The following LRRC8E variants were observed in gnomAD, a reference collection of about 807,000 sequenced individuals.
LRRC8E encodes the protein leucine rich repeat containing 8 VRAC subunit E, also known as volume-regulated anion channel subunit LRRC8E.
LRRC8E carries 6 observed loss-of-function variants against 6.1 expected under a neutral mutation model. That is an observed-to-expected ratio of 0.98 (90% CI 0.54 to 1.93). The LOEUF is 1.93. Ranked by LOEUF, LRRC8E falls within the 30% of genes most tolerant of loss-of-function variation. The pLI is 0.01. For missense variants in LRRC8E, 1,028 were observed against 1,031.4 expected (o/e 1.00, Z 0.04); for synonymous variants, 485 against 472.8 (o/e 1.03, Z -0.33).
At chr19:7,898,509 A>G (rs572059154) in intron 2 of LRRC8E, 152 bp from the exon 3 acceptor site, 5 of 676,200 alleles carry the variant, frequency 7.4e-6, no homozygotes, top group Admixed American at 5.0e-5. Context: ...ACAGGTGCCC[A>G]CCACCATGCC....
At chr19:7,894,172 G>A (rs1330584359) in intron 1 of LRRC8E, among the ~76,000 whole-genome samples, 3 of 152,110 alleles carry the variant, frequency 2.0e-5, no homozygotes, top group African/African-American at 7.2e-5. Context: ...CTCCCTGATG[G>A]GCAGATGCCC....
At chr19:7,890,879 A>G (rs1400348374) in intron 1 of LRRC8E, among the ~76,000 whole-genome samples, 1 of 152,168 alleles carries the variant, frequency 6.6e-6, no homozygotes, top group African/African-American at 2.4e-5. Flanking sequence ...TATTTTTAGT[A>G]GACATGGGGT....
At chr19:7,890,651 A>T (rs903671077) in intron 1 of LRRC8E, among the ~76,000 whole-genome samples, 16 of 151,720 alleles carry the variant, frequency 1.1e-4, no homozygotes, top group South Asian at 2.1e-4. Flanking sequence ...TAGCCGGGCG[A>T]GGTGGCGGGC....
In LRRC8E at chr19:7,899,145, C is replaced by G. The variant is rs767909728; in HGVS notation, c.623C>G (p.Ala208Gly). 4 of 1,613,606 alleles carry G rather than the reference C, an allele frequency of 2.5e-6. No individual in the cohort carries two copies. The South Asian group carries it at 4.4e-5, about 18-fold the overall frequency. The change falls in exon 3 of 3, where the codon GCG becomes GGG. Residue 208 changes from alanine (A) to glycine (G), a missense_variant. By Grantham distance (60) the Ala-to-Gly change is moderately conservative. Coordinates refer to ENST00000306708, the MANE Select transcript of LRRC8E (RefSeq NM_025061.6). ...GAGGGTGAGAAGGAGAAAGTGCTGG[C>G]GGAACCGGAGAAGGTGGTGACCGAG... ...AGEGEKEKVL[A>G]EPEKVVTEPP... is the part of the protein sequence containing the mutation.
Position 7,895,437 on chromosome 19 carries a change from C to A in LRRC8E, c.-5-162C>A. 1 of 812,704 alleles carries A rather than the reference C, an allele frequency of 1.2e-6. No homozygotes were observed. Among genetic ancestry groups the A allele is most frequent in the Non-Finnish European group, 1.9e-6 (1 of 515,438 alleles). 50.3% of individuals were successfully genotyped at this position (812,704 alleles called of 1,614,324 possible). A position where few individuals can be genotyped will look rare whatever the true frequency, so the allele number is the denominator to read the frequency against. ...ACGTCTGCATGGAGGGTGACTAAGGCCAGGCTAAGAGGGAAGTGGGGGCAC... is the reference window on the plus strand; with the variant it reads ...ACGTCTGCATGGAGGGTGACTAAGGACAGGCTAAGAGGGAAGTGGGGGCAC... On this transcript the variant is annotated intron_variant, in intron 1 of 2. Coordinates refer to ENST00000306708, the MANE Select transcript of LRRC8E (RefSeq NM_025061.6). This position sits in a 1 kb window ranked among gnomAD's most constrained non-coding sequence, Gnocchi z 4.7.
At chr19:7,889,079 G>A (rs1351640492) in intron 1 of LRRC8E, among the ~76,000 whole-genome samples, 1 of 152,154 alleles carries the variant, frequency 6.6e-6, no homozygotes, top group African/African-American at 2.4e-5. Context: ...GAATCCGCAG[G>A]CCTGGGGCCT....
rs1306359024 is a variant in LRRC8E, at chr19:7,900,359, A to C, written c.1837A>C (p.Lys613Gln). ...SLGALQELDLKDNHLRSIEEI... is the reference protein window; with the variant it reads ...SLGALQELDLQDNHLRSIEEI... Reference sequence around the variant, plus strand: ...GGGTGCGCTGCAGGAACTTGACCTCAAGGACAACCACCTGCGCTCCATCGA... The same window carrying C: ...GGGTGCGCTGCAGGAACTTGACCTCCAGGACAACCACCTGCGCTCCATCGA... The change falls in exon 3 of 3, where the codon AAG (lysine) becomes CAG (glutamine). Residue 613 changes from lysine (K) to glutamine (Q), a missense_variant. Lys to Gln is a moderately conservative substitution (Grantham distance 53, BLOSUM62 1). Coordinates refer to ENST00000306708, the MANE Select transcript of LRRC8E (RefSeq NM_025061.6). This position sits in a 1 kb window ranked among gnomAD's most constrained non-coding sequence, Gnocchi z 5.0. 1 of 1,613,020 alleles carries C rather than the reference A, an allele frequency of 6.2e-7. No individual in the cohort carries two copies. The highest frequency in any genetic ancestry group is 1.1e-5 in the South Asian group (1 of 91,080).
Position 7,901,010 on chromosome 19 carries a change from G to C in LRRC8E, c.*97G>C. On this transcript the variant is annotated 3_prime_UTR_variant, in exon 3 of 3. Transcript: ENST00000306708. ...AAGATAGGAAGCCAAGTGGGTCCAG[G>C]CCAGGAGATGGGGGGGGCGGGGGCA... 1.7e-6 allele frequency: 1 copy of C among 577,828 alleles called. No individual in the cohort carries two copies. Among genetic ancestry groups the C allele is most frequent in the Non-Finnish European group, 2.8e-6 (1 of 358,962 alleles). The allele number at this position is 577,828 out of a possible 1,614,324, so 35.8% of individuals were successfully genotyped here. A position where few individuals can be genotyped will look rare whatever the true frequency, so the allele number is the denominator to read the frequency against.
At chr19:7,893,141 G>T (rs1981403203) in intron 1 of LRRC8E, among the ~76,000 whole-genome samples, 1 of 152,118 alleles carries the variant, frequency 6.6e-6, no homozygotes, top group African/African-American at 2.4e-5. Context: ...CTAGTAGCTG[G>T]GATTACAGGC....
chr19:7,896,250 TTTTC>T (rs1226978429), intron 2 of LRRC8E, among the ~76,000 whole-genome samples: 1 of 149,414 alleles, frequency 6.7e-6, no homozygotes, highest in Non-Finnish European at 1.5e-5. Context: ...CTTTCTTTTT[TTTTC>T]TTTTTTTTTT....
chr19:7,896,289 AG>A (rs1568264537), intron 2 of LRRC8E, among the ~76,000 whole-genome samples: 1 of 147,846 alleles, frequency 6.8e-6, no homozygotes, highest in East Asian at 2.1e-4. Context: ...AAAAAGAGAC[AG>A]GGGCCGGGCA....
chr19:7,899,266 C>T lies in LRRC8E; in HGVS notation c.744C>T (p.Gly248=), dbSNP rs572952810. 14 of 1,614,180 alleles carry T rather than the reference C, an allele frequency of 8.7e-6. No individual in the cohort carries two copies. The highest frequency in any genetic ancestry group is 1.6e-4 in the Middle Eastern group (1 of 6,062). Residue 248 remains glycine, a synonymous_variant, in exon 3 of 3, where the codon GGC becomes GGT. Transcript: ENST00000306708. Reference sequence around the variant, plus strand: ...AGTTCCGCATGCACGTGGAAGAGGGCGACATCCTGTACACCATGTACATCC... The same window carrying T: ...AGTTCCGCATGCACGTGGAAGAGGGTGACATCCTGTACACCATGTACATCC... ...VKKFRMHVEE[G]DILYTMYIRQ...
chr19:7,901,020 G>T lies in LRRC8E; in HGVS notation c.*107G>T. ...GCCAAGTGGGTCCAGGCCAGGAGAT[G>T]GGGGGGGCGGGGGCAGCTGTGTCAT... On this transcript the variant is annotated 3_prime_UTR_variant, in exon 3 of 3. Transcript: ENST00000306708. The T allele has an allele frequency of 3.7e-6, 2 of 539,152 alleles. No homozygotes were observed. Among genetic ancestry groups the T allele is most frequent in the African/African-American group, 5.6e-5 (2 of 35,404 alleles). The allele number at this position is 539,152 out of a possible 1,614,324, so 33.4% of individuals were successfully genotyped here.
Position 7,895,216 on chromosome 19 carries a change from G to A in LRRC8E, c.-5-383G>A, listed in dbSNP as rs959941595. Reference sequence around the variant, plus strand: ...TGAGTGTCTGCAGTCAGGGAGCATCGAGGCAGATGTTTTCAGGCCTTGGTG... The same window carrying A: ...TGAGTGTCTGCAGTCAGGGAGCATCAAGGCAGATGTTTTCAGGCCTTGGTG... On this transcript the variant is annotated intron_variant, in intron 1 of 2. Coordinates refer to ENST00000306708, the MANE Select transcript of LRRC8E (RefSeq NM_025061.6). The surrounding 1 kb of genome is among the most constrained non-coding windows in gnomAD (Gnocchi z 4.7). The A allele has an allele frequency of 7.4e-5, 14 of 187,926 alleles. No individual in the cohort carries two copies. Among genetic ancestry groups the A allele is most frequent in the Middle Eastern group, 2.4e-3 (1 of 422 alleles). The allele number at this position is 187,926 out of a possible 1,614,324, so 11.6% of individuals were successfully genotyped here. A position where few individuals can be genotyped will look rare whatever the true frequency, so the allele number is the denominator to read the frequency against.
At chr19:7,890,724 G>A (rs2145093586) in intron 1 of LRRC8E, among the ~76,000 whole-genome samples, 1 of 151,512 alleles carries the variant, frequency 6.6e-6, no homozygotes, top group South Asian at 2.1e-4. Context: ...GGGAGGCGGA[G>A]CTTGCAGTGA....
rs143507031 is a variant in LRRC8E, at chr19:7,897,658, G to A, written c.139-1003G>A. Among the ~76,000 whole-genome samples the A allele has an allele frequency of 7.5e-3, 1,075 of 143,442 alleles. 29 individuals carry two copies. Among genetic ancestry groups the A allele is most frequent in the Admixed American group, 0.051 (719 of 14,154 alleles). The allele number at this position is 143,442 out of a possible 152,430, so 94.1% of individuals were successfully genotyped here. On this transcript the variant is annotated intron_variant, in intron 2 of 2. Coordinates refer to ENST00000306708, the MANE Select transcript of LRRC8E (RefSeq NM_025061.6). ...ACTGGGATTACAAGCCTGAGCCACC[G>A]CACCCAGCCTCTCCCTGTATCCTCA... is the stretch of plus-strand genomic sequence containing the variant.
chr19:7,900,274 G>T lies in LRRC8E; in HGVS notation c.1752G>T (p.Leu584Phe), dbSNP rs201790483. The change falls in exon 3 of 3, where the codon TTG (leucine) becomes TTT (phenylalanine). Residue 584 changes from leucine (L) to phenylalanine (F), a missense_variant. Physicochemically the swap from Leu to Phe is conservative, Grantham distance 22. Transcript: ENST00000306708. The surrounding 1 kb of genome is among the most constrained non-coding windows in gnomAD (Gnocchi z 5.0). ...ALNSLKKLAA[L>F]RELELVACGL... Reference sequence around the variant, plus strand: ...ACAGCCTCAAGAAGCTGGCGGCATTGCGGGAGCTGGAGCTGGTGGCCTGCG... The same window carrying T: ...ACAGCCTCAAGAAGCTGGCGGCATTTCGGGAGCTGGAGCTGGTGGCCTGCG... 8.7e-6 allele frequency: 14 copies of T among 1,613,434 alleles called. No individual in the cohort carries two copies. The East Asian group carries it at 2.5e-4, about 28-fold the overall frequency.
In LRRC8E at chr19:7,900,585, T is replaced by C. The variant is rs1417087128; in HGVS notation, c.2063T>C (p.Leu688Pro). The C allele has an allele frequency of 4.3e-6, 7 of 1,613,152 alleles. No homozygotes were observed. In the East Asian group the frequency reaches 1.6e-4, roughly 36 times the overall value. The change falls in exon 3 of 3, where the codon CTA (leucine) becomes CCA (proline). Residue 688 changes from leucine (L) to proline (P), a missense_variant. Transcript: ENST00000306708. This position sits in a 1 kb window ranked among gnomAD's most constrained non-coding sequence, Gnocchi z 5.0. ...LRLLDVSHNGLHSLPPEVGLL... is the reference protein window; with the variant it reads ...LRLLDVSHNGPHSLPPEVGLL... ...CTGCTGGATGTGTCCCACAATGGGC[T>C]ACACTCCCTGCCACCCGAGGTGGGC...
chr19:7,900,750 C>T lies in LRRC8E; in HGVS notation c.2228C>T (p.Ala743Val). 1 of 1,611,508 alleles carries T rather than the reference C, an allele frequency of 6.2e-7. No individual in the cohort carries two copies. Residue 743 changes from alanine (A) to valine (V), a missense_variant, in exon 3 of 3, where the codon GCC becomes GTC. Transcript: ENST00000306708. This position sits in a 1 kb window ranked among gnomAD's most constrained non-coding sequence, Gnocchi z 5.0. ...AGCCAGCTCTCGCCCCACGTGGGTGCCCTCAGAGCCCTCAGCCGCCTGGAG... is the reference window on the plus strand; with the variant it reads ...AGCCAGCTCTCGCCCCACGTGGGTGTCCTCAGAGCCCTCAGCCGCCTGGAG... ...QLSQLSPHVG[A>V]LRALSRLELK...
Sources: gnomAD v4.1 joint callset for allele counts (sites outside exome capture counted in the v4.1 genomes callset) on GRCh38, gnomAD v4.1.1 for gene constraint, Gnocchi (gnomAD v3.1) non-coding constraint, MANE v1.5 for transcripts, NCBI Gene and HGNC (gene_info 2026-07-23, HGNC 2026-07-21) for gene names.